The following SLIT1 variants were observed in gnomAD, a reference collection of about 807,000 sequenced individuals.
SLIT1 encodes slit guidance ligand 1.
In SLIT1, 66 loss-of-function variants were observed where a neutral mutation model predicts 186.1. The observed-to-expected ratio is 0.35, with a 90% CI of 0.29 to 0.44. The LOEUF (loss-of-function observed/expected upper bound fraction) is 0.44. Among genes scored for constraint, SLIT1 ranks in the 20% least tolerant of loss-of-function variants. SLIT1 has a pLI of 1.00. For missense variants in SLIT1, 1,638 were observed against 2,037.4 expected, an observed-to-expected ratio of 0.80 and a Z score of 3.77; for synonymous variants, 761 against 833.8, an observed-to-expected ratio of 0.91 and a Z score of 1.50.
chr10:97,054,296 G>A (rs536428211), intron 13 of SLIT1, among the ~76,000 whole-genome samples: 5 of 151,750 alleles, frequency 3.3e-5, no homozygotes, highest in African/African-American at 1.2e-4. Flanking sequence ...GTCACGTGAC[G>A]TGCCTACCCT....
intron 4 of SLIT1, among the ~76,000 whole-genome samples, chr10:97,115,651 G>A (rs4917756): frequency 0.11 from 16,726 of 151,968 alleles, 1,002 homozygotes; most frequent in Middle Eastern, 0.18. Context: ...CTATCTTTCT[G>A]TCACTGGGTC....
intron 13 of SLIT1, among the ~76,000 whole-genome samples, chr10:97,051,295 G>T (rs1848784416): frequency 6.6e-6 from 1 of 151,992 alleles, no homozygotes; most frequent in Non-Finnish European, 1.5e-5. Context: ...CCAAGTGTTG[G>T]TGAGGCTGAG....
At chr10:97,129,920 G>A (rs930221927) in intron 4 of SLIT1, among the ~76,000 whole-genome samples, 4 of 152,020 alleles carry the variant, frequency 2.6e-5, no homozygotes, top group South Asian at 2.1e-4. Context: ...AGAACAAGGC[G>A]GTCCCTCTCC....
Position 97,010,868 on chromosome 10 carries a change from A to AC in SLIT1, c.3341+124dup. Reference sequence around the variant, plus strand: ...GGTGACTGGCAGAGCCACGGTTAAAACCCCAGCATCCAACTTCCAGGCTCT... The same window carrying AC: ...GGTGACTGGCAGAGCCACGGTTAAAACCCCCAGCATCCAACTTCCAGGCTCT... On this transcript the variant is annotated intron_variant, in intron 31 of 36. Coordinates refer to ENST00000266058, the MANE Select transcript of SLIT1 (RefSeq NM_003061.3). This position sits in a 1 kb window ranked among gnomAD's most constrained non-coding sequence, Gnocchi z 4.8. 1 of 896,442 alleles carries AC rather than the reference A, an allele frequency of 1.1e-6. No individual in the cohort carries two copies. The highest frequency in any genetic ancestry group is 1.7e-5 in the South Asian group (1 of 57,884). The allele number at this position is 896,442 out of a possible 1,614,324, so 55.5% of individuals were successfully genotyped here.
Position 97,046,702 on chromosome 10 carries a change from T to G in SLIT1, c.1805A>C (p.Glu602Ala). The change falls in exon 18 of 37, where the codon GAG becomes GCG. Residue 602 changes from glutamate (E) to alanine (A), a missense_variant. Physicochemically the swap from Glu to Ala is moderately radical, Grantham distance 107. Transcript: ENST00000266058. ...SELHLTANQLESIRSGMFRGL... is the reference protein window; with the variant it reads ...SELHLTANQLASIRSGMFRGL... The stretch of plus-strand genomic sequence containing the variant: ...CCGGAACATGCCGCTCCGGATGGAC[T>G]CCAGCTGGTTGGCAGTTAGGTGCAG... 6.2e-7 allele frequency: 1 copy of G among 1,611,944 alleles called. No homozygotes were observed. The highest frequency in any genetic ancestry group is 8.5e-7 in the Non-Finnish European group (1 of 1,180,012).
intron 4 of SLIT1, among the ~76,000 whole-genome samples, chr10:97,138,505 T>A (rs970310750): frequency 1.3e-5 from 2 of 152,276 alleles, no homozygotes; most frequent in African/African-American, 4.8e-5. Context: ...TCATGCCATG[T>A]CCAGCTGGCT....
At chr10:97,005,704 G>C (rs954819596) in intron 32 of SLIT1, among the ~76,000 whole-genome samples, 5 of 152,244 alleles carry the variant, frequency 3.3e-5, no homozygotes, top group African/African-American at 1.2e-4. Context: ...TAGGCTAGCT[G>C]TTGTCTTGCC....
chr10:97,069,933 C>G (rs1564667380), intron 4 of SLIT1, among the ~76,000 whole-genome samples: 1 of 152,188 alleles, frequency 6.6e-6, no homozygotes, highest in South Asian at 2.1e-4. Context: ...ATAAAAGACA[C>G]TGTAGCTCCC....
chr10:97,074,960 T>C (rs1849032555), intron 4 of SLIT1, among the ~76,000 whole-genome samples: 2 of 152,230 alleles, frequency 1.3e-5, no homozygotes, highest in African/African-American at 4.8e-5. Context: ...TCTAAGGGGA[T>C]TAGCAGTGGG....
intron 4 of SLIT1, among the ~76,000 whole-genome samples, chr10:97,131,224 C>A (rs1849651372): frequency 6.6e-6 from 1 of 152,356 alleles, no homozygotes; most frequent in East Asian, 1.9e-4. Flanking sequence ...GCACAGCTGT[C>A]CATCCAGGGC....
chr10:97,154,263 G>C (rs1271400638), intron 4 of SLIT1: 1 of 152,240 alleles, frequency 6.6e-6, no homozygotes, highest in Non-Finnish European at 1.5e-5. Flanking sequence ...GATAAATAAG[G>C]TTTGTTGAAT....
intron 4 of SLIT1, among the ~76,000 whole-genome samples, chr10:97,141,682 G>A (rs7094230): frequency 1.3e-4 from 9 of 67,248 alleles, no homozygotes; most frequent in East Asian, 9.2e-4. Context: ...GTATCGTATT[G>A]TATCGTATCG....
At position 97,002,928 on chromosome 10, in the gene SLIT1, G is replaced by T. The variant is rs1294280760; in HGVS notation, c.3930C>A (p.Phe1310Leu). ...TGTACAGGTTTCGGATGCAACCGTG[G>T]AAGCCGGTGCCGTTGAGGATCTGCC... ...RLWQILNGTG[F>L]HGCIRNLYIN... The change falls in exon 35 of 37, where the codon TTC becomes TTA. Residue 1310 changes from phenylalanine to leucine, a missense_variant. Phe to Leu is a conservative substitution (Grantham distance 22). Transcript: ENST00000266058. The T allele has an allele frequency of 1.2e-6, 2 of 1,614,208 alleles. No individual in the cohort carries two copies. The highest frequency in any genetic ancestry group is 1.7e-6 in the Non-Finnish European group (2 of 1,180,022).
At position 97,043,594 on chromosome 10, in the gene SLIT1, G is replaced by C; in HGVS notation, c.1854-81C>G. The C allele has an allele frequency of 7.4e-7, 1 of 1,350,430 alleles. No homozygotes were observed. The highest frequency in any genetic ancestry group is 1.0e-6 in the Non-Finnish European group (1 of 964,508). The allele number at this position is 1,350,430 out of a possible 1,614,324, so 83.7% of individuals were successfully genotyped here. A position where few individuals can be genotyped will look rare whatever the true frequency, so the allele number is the denominator to read the frequency against. ...CCTGGGCCACGCAGCTTCCGCCATC[G>C]TGGCTCGTTCACAGTTCTCCTCCAT... On this transcript the variant is annotated intron_variant, in intron 18 of 36. Transcript: ENST00000266058. The surrounding 1 kb of genome is among the most constrained non-coding windows in gnomAD (Gnocchi z 7.0).
In SLIT1 at chr10:97,014,692, C is replaced by T. The variant is rs142877665; in HGVS notation, c.2970-534G>A. Among the ~76,000 whole-genome samples the T allele has an allele frequency of 6.9e-3, 1,050 of 152,230 alleles. 14 individuals carry two copies. Among genetic ancestry groups the T allele is most frequent in the East Asian group, 0.062 (319 of 5,172 alleles). On this transcript the variant is annotated intron_variant, in intron 28 of 36. Transcript: ENST00000266058. ...GACCAGCCTGGCCAACATGGGGAAACGCTGTCTCTATTAAAATACAAAAAT... is the reference window on the plus strand; with the variant it reads ...GACCAGCCTGGCCAACATGGGGAAATGCTGTCTCTATTAAAATACAAAAAT...
intron 18 of SLIT1, among the ~76,000 whole-genome samples, chr10:97,045,593 G>A (rs1397373825): frequency 6.6e-6 from 1 of 152,130 alleles, no homozygotes; most frequent in Non-Finnish European, 1.5e-5. Flanking sequence ...TGGAAAGAAT[G>A]CAGCTGACTG....
intron 4 of SLIT1, among the ~76,000 whole-genome samples, chr10:97,113,878 G>C (rs185217957): frequency 1.2e-4 from 18 of 152,268 alleles, no homozygotes; most frequent in Admixed American, 1.2e-3. Context: ...GAATTTTATG[G>C]ATCTTCCAAA....
At chr10:97,003,412 G>C (rs1281544375) in intron 34 of SLIT1, among the ~76,000 whole-genome samples, 1 of 152,226 alleles carries the variant, frequency 6.6e-6, no homozygotes, top group East Asian at 1.9e-4. Flanking sequence ...CTTCTCAGCA[G>C]CCCTCTGAAG....
At chr10:97,020,218 C>T (rs1372147412) in intron 26 of SLIT1, among the ~76,000 whole-genome samples, 1 of 151,996 alleles carries the variant, frequency 6.6e-6, no homozygotes, top group Non-Finnish European at 1.5e-5. Flanking sequence ...AGCGACCCTC[C>T]CACCTCAACC....
Sources: allele counts gnomAD v4.1 joint callset (sites outside exome capture counted in the v4.1 genomes callset), GRCh38; gene constraint gnomAD v4.1.1; non-coding constraint Gnocchi (gnomAD v3.1); transcripts MANE v1.5; gene names NCBI Gene and HGNC (gene_info 2026-07-23, HGNC 2026-07-21).